GXYLT2: variants seen among roughly 807,000 people sequenced by gnomAD.
The protein encoded by GXYLT2 is glucoside xylosyltransferase 2.
In GXYLT2, 53 loss-of-function variants were observed where a neutral mutation model predicts 45.8. The observed-to-expected ratio is 1.16, with a 90% CI of 0.93 to 1.46. The LOEUF (loss-of-function observed/expected upper bound fraction) is 1.46. Ranked by LOEUF, GXYLT2 falls within the 40% of genes most tolerant of loss-of-function variation. The pLI is 0.00. For synonymous variants in GXYLT2, 219 were observed against 214.2 expected (o/e 1.02, Z -0.19); for missense variants, 551 against 544.4 (o/e 1.01, Z -0.12).
chr3:72,913,556 TTAG>T (rs1709677221), intron 2 of GXYLT2, among the ~76,000 whole-genome samples: 2 of 151,770 alleles, frequency 1.3e-5, no homozygotes, highest in Non-Finnish European at 2.9e-5. Context: ...TTAGCCAGGC[TTAG>T]TGGTGTGTGC....
chr3:72,921,826 T>G (rs530567463), intron 2 of GXYLT2, among the ~76,000 whole-genome samples: 1 of 152,286 alleles, frequency 6.6e-6, no homozygotes, highest in South Asian at 2.1e-4. Context: ...GTTTGTTGGG[T>G]TTTTTTCCTC....
chr3:72,963,259 G>T (rs1046508018), intron 5 of GXYLT2, among the ~76,000 whole-genome samples: 3 of 152,202 alleles, frequency 2.0e-5, no homozygotes, highest in Admixed American at 6.5e-5. Context: ...GATCCCAAGA[G>T]TATGAAATAA....
At chr3:72,924,058 G>A (rs1709877200) in intron 3 of GXYLT2, among the ~76,000 whole-genome samples, 1 of 152,074 alleles carries the variant, frequency 6.6e-6, no homozygotes, top group African/African-American at 2.4e-5. Flanking sequence ...GCCCTAAGGT[G>A]GGAAGGGCCA....
At chr3:72,966,295 G>A (rs949455870) in intron 5 of GXYLT2, among the ~76,000 whole-genome samples, 7 of 101,010 alleles carry the variant, frequency 6.9e-5, no homozygotes, top group Admixed American at 5.4e-4. Context: ...GGGGGTTTTT[G>A]CTGTTTTTTT....
intron 2 of GXYLT2, among the ~76,000 whole-genome samples, chr3:72,913,272 T>C (rs939879106): frequency 2.6e-5 from 4 of 151,218 alleles, no homozygotes; most frequent in African/African-American, 7.3e-5. Flanking sequence ...TCTCCTGACC[T>C]CGTGATCCGC....
At chr3:72,965,048 A>C (rs1432426134) in intron 5 of GXYLT2, among the ~76,000 whole-genome samples, 2 of 152,216 alleles carry the variant, frequency 1.3e-5, no homozygotes, top group African/African-American at 2.4e-5. Flanking sequence ...AAATCTATAT[A>C]GGGTGACTTG....
intron 1 of GXYLT2, among the ~76,000 whole-genome samples, chr3:72,900,578 C>T (rs1189068474): frequency 6.6e-6 from 1 of 152,026 alleles, no homozygotes; most frequent in Non-Finnish European, 1.5e-5. Flanking sequence ...CCACACCCAG[C>T]TACTTCTTTT....
intron 2 of GXYLT2, among the ~76,000 whole-genome samples, chr3:72,919,788 C>A (rs955754623): frequency 6.6e-6 from 1 of 152,010 alleles, no homozygotes; most frequent in African/African-American, 2.4e-5. Flanking sequence ...AGAGGGCAGG[C>A]AGGAATGTTG....
chr3:72,888,465 C>A lies in GXYLT2; in HGVS notation c.232C>A (p.Arg78=). 2 of 1,244,804 alleles carry A rather than the reference C, an allele frequency of 1.6e-6. No individual in the cohort carries two copies. Among genetic ancestry groups the A allele is most frequent in the South Asian group, 2.5e-5 (1 of 40,070 alleles). 77.1% of individuals were successfully genotyped at this position (1,244,804 alleles called of 1,614,324 possible). A position where few individuals can be genotyped will look rare whatever the true frequency, so the allele number is the denominator to read the frequency against. ...GCGCCGGCCCCCGCGTCCGCGCCCC[C>A]GAGCGGGCCGCCGGGGCGCTGCGAG... The part of the protein sequence containing the change: ...RRRRPPRPRP[R]AGRRGAARLE... Residue 78 remains arginine, a synonymous_variant, in exon 1 of 7, where the codon CGA becomes AGA. Coordinates refer to ENST00000389617, the MANE Select transcript of GXYLT2 (RefSeq NM_001080393.2).
At chr3:72,892,100 C>A (rs1343776112) in intron 1 of GXYLT2, among the ~76,000 whole-genome samples, 3 of 152,118 alleles carry the variant, frequency 2.0e-5, no homozygotes, top group Non-Finnish European at 4.4e-5. Flanking sequence ...TAGTCCAAAG[C>A]CATTTCACCT....
intron 6 of GXYLT2, among the ~76,000 whole-genome samples, chr3:72,970,027 CAGCCAACAT>C (rs1173103340): frequency 6.6e-6 from 1 of 151,082 alleles, no homozygotes; most frequent in Non-Finnish European, 1.5e-5. Context: ...GAGGTCAGCG[CAGCCAACAT>C]AGTGAGACCC....
chr3:72,905,728 C>T (rs888096777), intron 1 of GXYLT2, among the ~76,000 whole-genome samples: 1 of 152,202 alleles, frequency 6.6e-6, no homozygotes, highest in African/African-American at 2.4e-5. Context: ...GTGTTCAGTC[C>T]AACTTACACT....
intron 6 of GXYLT2, among the ~76,000 whole-genome samples, chr3:72,973,380 G>T (rs1711034846): frequency 6.6e-6 from 1 of 152,214 alleles, no homozygotes; most frequent in African/African-American, 2.4e-5. Flanking sequence ...GATAAGAGGA[G>T]AGAGGAGGAA....
intron 2 of GXYLT2, among the ~76,000 whole-genome samples, chr3:72,917,426 G>C (rs7635328): frequency 0.035 from 5,250 of 152,174 alleles, 271 homozygotes; most frequent in African/African-American, 0.12. Flanking sequence ...GTAAATACTA[G>C]GTAATGCCTG....
intron 1 of GXYLT2, 95 bp downstream of exon 1, chr3:72,888,603 A>G: frequency 1.1e-6 from 1 of 885,508 alleles, no homozygotes. Flanking sequence ...CTGGAGAGAC[A>G]GATTTCCAAG....
intron 2 of GXYLT2, among the ~76,000 whole-genome samples, chr3:72,917,751 C>T (rs1314339007): frequency 6.8e-6 from 1 of 147,146 alleles, no homozygotes; most frequent in African/African-American, 2.5e-5. Flanking sequence ...GAGTGAGGCC[C>T]CATCTCAAAA....
At chr3:72,933,916 T>G (rs1204748775) in intron 3 of GXYLT2, among the ~76,000 whole-genome samples, 1 of 151,802 alleles carries the variant, frequency 6.6e-6, no homozygotes, top group Non-Finnish European at 1.5e-5. Flanking sequence ...AAATTAAGAA[T>G]AATAATAATA....
At chr3:72,921,589 C>G (rs1487715167) in intron 2 of GXYLT2, among the ~76,000 whole-genome samples, 1 of 151,956 alleles carries the variant, frequency 6.6e-6, no homozygotes, top group Non-Finnish European at 1.5e-5. Flanking sequence ...CCACCATGCC[C>G]AGCTAATTTT....
In GXYLT2 at chr3:72,955,090, A is replaced by T. The variant is rs756374263; in HGVS notation, c.601-8A>T. 6.2e-7 allele frequency: 1 copy of T among 1,613,032 alleles called. No individual in the cohort carries two copies. The highest frequency in any genetic ancestry group is 1.3e-5 in the African/African-American group (1 of 74,904). On this transcript the variant is annotated splice_polypyrimidine_tract_variant and splice_region_variant and intron_variant, in intron 3 of 6. Coordinates refer to ENST00000389617, the MANE Select transcript of GXYLT2 (RefSeq NM_001080393.2). ...TCTCCCCTTTACACCCACTCCTTAC[A>T]CACAAAGGTGATTTTAAAGGATGTG... is the stretch of plus-strand genomic sequence containing the variant.
Sources: allele counts gnomAD v4.1 joint callset (sites outside exome capture counted in the v4.1 genomes callset), GRCh38; gene constraint gnomAD v4.1.1; transcripts MANE v1.5; gene names NCBI Gene and HGNC (gene_info 2026-07-23, HGNC 2026-07-21).